The following NKAIN3 variants were observed in gnomAD, a reference collection of about 807,000 sequenced individuals.
The protein encoded by NKAIN3 is sodium/potassium transporting ATPase interacting 3.
Under a neutral mutation model 30.2 loss-of-function variants are expected in NKAIN3, and 25 were observed. The ratio of observed to expected loss-of-function variants is 0.83; its 90% CI spans 0.60 to 1.16. NKAIN3 has a LOEUF of 1.16. Among genes scored for constraint, NKAIN3 ranks in the 50% most tolerant of loss-of-function variants. The pLI is 0.00. For missense variants in NKAIN3, 225 were observed against 254.1 expected (o/e 0.89, Z 0.78); for synonymous variants, 91 against 89.6 (o/e 1.02, Z -0.09).
At chr8:62,299,196 C>A (rs1206774680) in intron 1 of NKAIN3, among the ~76,000 whole-genome samples, 1 of 151,872 alleles carries the variant, frequency 6.6e-6, no homozygotes, top group Non-Finnish European at 1.5e-5. Flanking sequence ...TCATTTTTTG[C>A]ACTTTTATAA....
At chr8:62,362,803 T>C (rs1466953544) in intron 1 of NKAIN3, among the ~76,000 whole-genome samples, 1 of 152,154 alleles carries the variant, frequency 6.6e-6, no homozygotes, top group Non-Finnish European at 1.5e-5. Flanking sequence ...AACAAATTTA[T>C]AGACAAAGAA....
At chr8:62,858,091 T>C (rs1461161350) in intron 4 of NKAIN3, among the ~76,000 whole-genome samples, 1 of 152,064 alleles carries the variant, frequency 6.6e-6, no homozygotes. Flanking sequence ...CTTTGAACAG[T>C]CTGATGGCTG....
At chr8:62,953,733 CT>C (rs554730588) in intron 5 of NKAIN3, among the ~76,000 whole-genome samples, 168 bp from the exon 6 acceptor site, 400 of 152,208 alleles carry the variant, frequency 2.6e-3, no homozygotes, top group African/African-American at 6.0e-3. Context: ...TAAATTTCCT[CT>C]TTTTGGCTCA....
At chr8:62,491,947 C>T (rs1370978401) in intron 1 of NKAIN3, among the ~76,000 whole-genome samples, 1 of 152,038 alleles carries the variant, frequency 6.6e-6, no homozygotes, top group Non-Finnish European at 1.5e-5. Flanking sequence ...CAGTAATGTC[C>T]GTTGTTCCTG....
intron 4 of NKAIN3, among the ~76,000 whole-genome samples, chr8:62,852,444 T>C (rs985757129): frequency 6.6e-6 from 1 of 152,208 alleles, no homozygotes; most frequent in Non-Finnish European, 1.5e-5. Flanking sequence ...TTTTTCTGTC[T>C]CTATTTCCTT....
chr8:62,969,562 A>C lies in NKAIN3; in HGVS notation c.*4155A>C, dbSNP rs1320387222. 1.3e-5 allele frequency among the ~76,000 whole-genome samples: 2 copies of C among 152,204 alleles called. No homozygotes were observed. Among genetic ancestry groups the C allele is most frequent in the African/African-American group, 4.8e-5 (2 of 41,468 alleles). On this transcript the variant is annotated 3_prime_UTR_variant, in exon 7 of 7. Transcript: ENST00000623646. Reference sequence around the variant, plus strand: ...TCACTTACTTTTTCTGAGTCACTTTAGTATGTAACTAGGATAAATTTCATA... The same window carrying C: ...TCACTTACTTTTTCTGAGTCACTTTCGTATGTAACTAGGATAAATTTCATA...
chr8:62,708,024 C>G (rs1048846111), intron 3 of NKAIN3, among the ~76,000 whole-genome samples: 1 of 152,110 alleles, frequency 6.6e-6, no homozygotes. Flanking sequence ...TGTCAAAGAC[C>G]AGTTGGCTGT....
At chr8:62,806,702 C>T (rs1218934952) in intron 4 of NKAIN3, among the ~76,000 whole-genome samples, 1 of 151,402 alleles carries the variant, frequency 6.6e-6, no homozygotes, top group Non-Finnish European at 1.5e-5. Flanking sequence ...ATACCTAATG[C>T]TAAATGATGA....
intron 3 of NKAIN3, among the ~76,000 whole-genome samples, chr8:62,714,411 TGTTA>T (rs1262534089): frequency 6.6e-6 from 1 of 152,016 alleles, no homozygotes; most frequent in East Asian, 1.9e-4. Context: ...ATCATATGTA[TGTTA>T]TTTATTAAAA....
chr8:62,308,944 G>A (rs1814342184), intron 1 of NKAIN3, among the ~76,000 whole-genome samples: 1 of 150,430 alleles, frequency 6.6e-6, no homozygotes, highest in Non-Finnish European at 1.5e-5. Flanking sequence ...TTGGAAAAGT[G>A]AGTCATTTAC....
At chr8:62,885,026 T>C (rs1821103598) in intron 4 of NKAIN3, among the ~76,000 whole-genome samples, 1 of 152,166 alleles carries the variant, frequency 6.6e-6, no homozygotes, top group African/African-American at 2.4e-5. Flanking sequence ...TTCTACTTAC[T>C]TTGGATTTAA....
downstream of NKAIN3, among the ~76,000 whole-genome samples, chr8:62,985,752 G>GAA (rs1174435545): frequency 7.3e-6 from 1 of 137,006 alleles, no homozygotes. Context: ...ATTCATCACA[G>GAA]AAAAAAAAAA....
chr8:62,491,805 T>TATTGAGAATGGGGAAAGGAGG (rs1807074443), intron 1 of NKAIN3, among the ~76,000 whole-genome samples: 3 of 151,654 alleles, frequency 2.0e-5, no homozygotes, highest in African/African-American at 7.3e-5. Context: ...TAAGGGAGAG[T>TATTGAGAATGGGGAAAGGAGG]ATTGAGAATG....
intron 1 of NKAIN3, among the ~76,000 whole-genome samples, chr8:62,252,145 T>C (rs1812125141): frequency 6.6e-6 from 1 of 152,120 alleles, no homozygotes; most frequent in Admixed American, 6.6e-5. Context: ...CTGTTTTTTT[T>C]TTGCTCTTTT....
At chr8:62,542,629 GA>G (rs1214076058) in intron 1 of NKAIN3, among the ~76,000 whole-genome samples, 4 of 149,866 alleles carry the variant, frequency 2.7e-5, no homozygotes, top group East Asian at 2.0e-4. Context: ...AGGTATTTCA[GA>G]AAAAAAAAGT....
At chr8:62,602,408 T>C (rs982159344) in intron 3 of NKAIN3, among the ~76,000 whole-genome samples, 2 of 152,122 alleles carry the variant, frequency 1.3e-5, no homozygotes, top group African/African-American at 4.8e-5. Flanking sequence ...GATAAACATT[T>C]TACCTTTGTA....
intron 4 of NKAIN3, among the ~76,000 whole-genome samples, chr8:62,815,150 C>A (rs1294216786): frequency 6.6e-6 from 1 of 152,016 alleles, no homozygotes; most frequent in East Asian, 1.9e-4. Context: ...GACACATACA[C>A]CCTCCCAAGA....
At chr8:62,828,418 C>CA (rs1479311224) in intron 4 of NKAIN3, among the ~76,000 whole-genome samples, 1 of 151,720 alleles carries the variant, frequency 6.6e-6, no homozygotes, top group East Asian at 1.9e-4. Flanking sequence ...TGATAATATA[C>CA]AAAAAAAGAA....
chr8:62,765,287 G>T (rs897627427), intron 4 of NKAIN3, among the ~76,000 whole-genome samples: 21 of 136,666 alleles, frequency 1.5e-4, no homozygotes, highest in African/African-American at 5.3e-4. Flanking sequence ...GAAAAGAAAA[G>T]AAATTATGTC....
Sources: allele counts gnomAD v4.1 joint callset (sites outside exome capture counted in the v4.1 genomes callset), GRCh38; gene constraint gnomAD v4.1.1; transcripts MANE v1.5; gene names NCBI Gene and HGNC (gene_info 2026-07-23, HGNC 2026-07-21).